The following CUX1 variants were observed in gnomAD, a reference collection of about 807,000 sequenced individuals.
CUX1 encodes cut like homeobox 1.
Under a neutral mutation model 158.8 loss-of-function variants are expected in CUX1, and 31 were observed. That is an observed-to-expected ratio of 0.20 (90% CI 0.15 to 0.26). The LOEUF is 0.26. Ranked by LOEUF, CUX1 falls within the 10% of genes least tolerant of loss-of-function variation. The pLI is 1.00. For missense variants in CUX1, 1,589 were observed against 2,014.6 expected (o/e 0.79, Z 4.04); for synonymous variants, 879 against 862.1 (o/e 1.02, Z -0.34).
chr7:102,115,568 G>A, intron 8 of CUX1: 1 of 306,002 alleles, frequency 3.3e-6, no homozygotes, highest in Non-Finnish European at 5.9e-6. Flanking sequence ...GTGTGGAGTT[G>A]AGTCTGGGTA....
Position 102,201,790 on chromosome 7 carries a change from GAGA to G in CUX1, c.2498_2500del (p.Arg833del). On this transcript the variant is annotated inframe_deletion, in exon 18 of 24. Transcript: ENST00000292535. This position sits in a 1 kb window ranked among gnomAD's most constrained non-coding sequence, Gnocchi z 5.0. ...ACTGGTGGAGCGCGGTGCAGCCGGA[GAGA>G]AGAAATGCCGCCTCCTCCGAGGAGG... The G allele has an allele frequency of 6.2e-7, 1 of 1,612,872 alleles. No individual in the cohort carries two copies. The highest frequency in any genetic ancestry group is 1.1e-5 in the South Asian group (1 of 91,084).
intron 1 of CUX1, among the ~76,000 whole-genome samples, chr7:101,887,484 A>AT (rs1181790635): frequency 3.3e-5 from 5 of 151,432 alleles, no homozygotes; most frequent in Non-Finnish European, 5.9e-5. Flanking sequence ...TTTTTATTTT[A>AT]TTTTTTTAGA....
chr7:102,277,656 T>TG (rs1166815872), intron 17 of CUX1, among the ~76,000 whole-genome samples: 1 of 152,116 alleles, frequency 6.6e-6, no homozygotes, highest in Non-Finnish European at 1.5e-5. Context: ...GACAGGGTCT[T>TG]GCTCTGTCAT....
chr7:102,131,718 G>T (rs2131308849), intron 8 of CUX1, among the ~76,000 whole-genome samples: 1 of 150,716 alleles, frequency 6.6e-6, no homozygotes, highest in East Asian at 1.9e-4. Flanking sequence ...TCTCACCCAG[G>T]CTGAAGTGCA....
intron 19 of CUX1, chr7:102,280,168 G>A (rs1791954846): frequency 2.3e-6 from 3 of 1,288,750 alleles, no homozygotes; most frequent in Non-Finnish European, 3.3e-6. Flanking sequence ...ATCAGCCCAG[G>A]GAAGCCCAGG....
At position 102,250,125 on chromosome 7, in the gene CUX1, G is replaced by A. The variant is rs771577355; in HGVS notation, c.*1083G>A. On this transcript the variant is annotated 3_prime_UTR_variant, in exon 24 of 24. Transcript: ENST00000292535. ...ATAATCTGCTTTTTAACCTCTAACC[G>A]CAGAGCACGCTGATCAGACCTCATA... 1.6e-4 allele frequency: 156 copies of A among 984,858 alleles called. No homozygotes were observed. Among genetic ancestry groups the A allele is most frequent in the Non-Finnish European group, 1.8e-4 (152 of 829,876 alleles). The allele number at this position is 984,858 out of a possible 1,614,324, so 61.0% of individuals were successfully genotyped here. A position where few individuals can be genotyped will look rare whatever the true frequency, so the allele number is the denominator to read the frequency against.
In CUX1 at chr7:101,962,335, C is replaced by G. The variant is rs536177036; in HGVS notation, c.141+46110C>G. On this transcript the variant is annotated intron_variant, in intron 2 of 23. Transcript: ENST00000292535. ...CGGTGTGAATGAAACCAAGTTGGCC[C>G]TACGTGGAATCTCAAATCGCTCTAC... Among the ~76,000 whole-genome samples, 12 of 152,342 alleles carry G rather than the reference C, an allele frequency of 7.9e-5. No homozygotes were observed. In the East Asian group the frequency reaches 2.3e-3, roughly 29 times the overall value.
intron 9 of CUX1, among the ~76,000 whole-genome samples, chr7:102,163,772 G>C (rs1218580597): frequency 6.6e-6 from 1 of 152,178 alleles, no homozygotes; most frequent in Non-Finnish European, 1.5e-5. Context: ...GGTGCAGGTG[G>C]CAGGCATCTG....
intron 11 of CUX1, among the ~76,000 whole-genome samples, chr7:102,188,331 G>A (rs889087454): frequency 2.0e-5 from 3 of 152,096 alleles, no homozygotes; most frequent in African/African-American, 7.2e-5. Context: ...ACACCCTCCC[G>A]GCACCGCCCC....
At chr7:101,939,668 T>TA (rs1284412575) in intron 2 of CUX1, among the ~76,000 whole-genome samples, 12 of 151,382 alleles carry the variant, frequency 7.9e-5, no homozygotes, top group South Asian at 2.1e-4. Context: ...CCCACCTCTA[T>TA]AAAAAAAATA....
At chr7:102,147,977 AAAATAAAT>A (rs545897009) in intron 8 of CUX1, among the ~76,000 whole-genome samples, 5 of 152,142 alleles carry the variant, frequency 3.3e-5, no homozygotes, top group African/African-American at 4.8e-5. Flanking sequence ...CTCCGTCTCA[AAAATAAAT>A]AAATAAATAA....
intron 2 of CUX1, among the ~76,000 whole-genome samples, chr7:101,956,794 A>G (rs545596474): frequency 6.6e-6 from 1 of 152,240 alleles, no homozygotes; most frequent in Admixed American, 6.5e-5. Flanking sequence ...CACAAAATAC[A>G]AATTGTTTGC....
intron 2 of CUX1, among the ~76,000 whole-genome samples, chr7:102,022,287 A>T (rs1321086644): frequency 6.6e-6 from 1 of 152,152 alleles, no homozygotes. Flanking sequence ...CAGTTCTCTG[A>T]CCTAAAAACT....
At chr7:102,129,549 T>C (rs1832998299) in intron 8 of CUX1, among the ~76,000 whole-genome samples, 1 of 152,016 alleles carries the variant, frequency 6.6e-6, no homozygotes. Flanking sequence ...CTGGGCGTGG[T>C]AGTGGGTGCC....
intron 8 of CUX1, among the ~76,000 whole-genome samples, chr7:102,128,541 C>T (rs998813300): frequency 1.3e-5 from 2 of 150,626 alleles, no homozygotes; most frequent in African/African-American, 4.9e-5. Flanking sequence ...GGCAGGGCTG[C>T]ATCCAGGGCA....
At chr7:101,897,176 C>G (rs1309904903) in intron 1 of CUX1, among the ~76,000 whole-genome samples, 1 of 152,238 alleles carries the variant, frequency 6.6e-6, no homozygotes, top group African/African-American at 2.4e-5. Context: ...GTTTCAAACT[C>G]TCTCTTCCCA....
At chr7:101,952,462 G>C (rs534753048) in intron 2 of CUX1, among the ~76,000 whole-genome samples, 2 of 152,180 alleles carry the variant, frequency 1.3e-5, no homozygotes, top group Non-Finnish European at 2.9e-5. Context: ...AGGCCCAGCC[G>C]CCTGTGCCTT....
intron 20 of CUX1, among the ~76,000 whole-genome samples, chr7:102,205,874 C>T (rs1795895156): frequency 6.6e-6 from 1 of 152,156 alleles, no homozygotes; most frequent in Non-Finnish European, 1.5e-5. Context: ...CCCAGGCTCT[C>T]GTCTGCGCCC....
At chr7:102,056,279 G>A (rs181455594) in intron 3 of CUX1, among the ~76,000 whole-genome samples, 1 of 152,276 alleles carries the variant, frequency 6.6e-6, no homozygotes, top group East Asian at 1.9e-4. Flanking sequence ...ACCTTCTCTT[G>A]GAAGAAGATA....
Sources: allele counts gnomAD v4.1 joint callset (sites outside exome capture counted in the v4.1 genomes callset), GRCh38; gene constraint gnomAD v4.1.1; non-coding constraint Gnocchi (gnomAD v3.1); transcripts MANE v1.5; gene names NCBI Gene and HGNC (gene_info 2026-07-23, HGNC 2026-07-21).